Variants in CECR2 observed in about 807,000 individuals in gnomAD.
CECR2 encodes CECR2 histone acetyl-lysine reader.
A neutral mutation model predicts 154.5 loss-of-function variants in CECR2; 30 were observed. The observed-to-expected ratio is 0.19, with a 90% CI of 0.15 to 0.26. The LOEUF is 0.26. CECR2 is among the 10% of genes least tolerant of loss of function. The pLI is 1.00. For missense variants in CECR2, 1,743 were observed against 1,829.3 expected, an observed-to-expected ratio of 0.95 and a Z score of 0.86; for synonymous variants, 725 against 683.7, an observed-to-expected ratio of 1.06 and a Z score of -0.94.
At chr22:17,401,833 C>A (rs1316084263) in intron 1 of CECR2, among the ~76,000 whole-genome samples, 1 of 139,578 alleles carries the variant, frequency 7.2e-6, no homozygotes, top group Non-Finnish European at 1.5e-5. Context: ...TTAACACCCC[C>A]CCCCGCCCCC....
intron 2 of CECR2, among the ~76,000 whole-genome samples, chr22:17,489,518 T>C (rs2146840999): frequency 6.6e-6 from 1 of 152,330 alleles, no homozygotes; most frequent in African/African-American, 2.4e-5. Context: ...TGCAGTGCTG[T>C]GATCATAGCC....
chr22:17,521,062 G>A (rs894276640), intron 8 of CECR2, among the ~76,000 whole-genome samples: 3 of 152,156 alleles, frequency 2.0e-5, no homozygotes, highest in Non-Finnish European at 4.4e-5. Context: ...CACCAACAGC[G>A]TAAAAGCGTT....
intron 2 of CECR2, among the ~76,000 whole-genome samples, chr22:17,495,861 C>CAAAAA (rs10558473): frequency 5.5e-4 from 37 of 67,206 alleles, no homozygotes; most frequent in Non-Finnish European, 7.9e-4. Context: ...GACTCTGTCT[C>CAAAAA]AAAAAAAAAA....
upstream of CECR2, among the ~76,000 whole-genome samples, chr22:17,367,084 A>AG (rs2063006005): frequency 6.6e-6 from 1 of 152,158 alleles, no homozygotes; most frequent in Admixed American, 6.5e-5. Flanking sequence ...GAGCAGCACC[A>AG]GGGGGCGCGT....
chr22:17,398,202 G>T (rs956305784), intron 1 of CECR2, among the ~76,000 whole-genome samples: 1 of 148,104 alleles, frequency 6.8e-6, no homozygotes, highest in Non-Finnish European at 1.5e-5. Context: ...GTATAACAAA[G>T]TGGGGGGGGG....
At position 17,497,516 on chromosome 22, in the gene CECR2, C is replaced by T; in HGVS notation, c.335C>T (p.Thr112Ile). ...AGTTTCCAGGACCTGCCTCTTCGCA[C>T]ACGGGTGGAGATCCTGCACCGACTC... is the stretch of plus-strand genomic sequence containing the variant. ...EASFQDLPLR[T>I]RVEILHRLCD... is the part of the protein sequence containing the mutation. Residue 112 changes from threonine to isoleucine, a missense_variant, in exon 3 of 19, where the codon ACA (threonine) becomes ATA (isoleucine). Thr to Ile is a moderately conservative substitution (Grantham distance 89). Coordinates refer to ENST00000262608, the MANE Select transcript of CECR2 (RefSeq NM_001290047.2). 6.2e-7 allele frequency: 1 copy of T among 1,613,976 alleles called. No individual in the cohort carries two copies. Among genetic ancestry groups the T allele is most frequent in the East Asian group, 2.2e-5 (1 of 44,878 alleles).
intron 1 of CECR2, among the ~76,000 whole-genome samples, chr22:17,448,210 T>C (rs2054708265): frequency 6.6e-6 from 1 of 152,208 alleles, no homozygotes. Context: ...GGATGTGAGA[T>C]GTGTGTACTA....
In CECR2 at chr22:17,558,016, AAT is replaced by A. The variant is rs1192428051; in HGVS notation, c.*5178_*5179del. The A allele has an allele frequency of 6.6e-6, 1 of 152,226 alleles. No individual in the cohort carries two copies. The highest frequency in any genetic ancestry group is 1.5e-5 in the Non-Finnish European group (1 of 68,042). The allele number at this position is 152,226 out of a possible 1,614,324, so 9.4% of individuals were successfully genotyped here. A position where few individuals can be genotyped will look rare whatever the true frequency, so the allele number is the denominator to read the frequency against. ...TTTCACTGAGAGCGACACTTACCTC[AAT>A]AGTTAGTTCAATATTGTGTGTTGGA... On this transcript the variant is annotated 3_prime_UTR_variant, in exon 19 of 19. Transcript: ENST00000262608.
rs917720193 is a variant in CECR2, at chr22:17,517,003, C to T, written c.954+5107C>T. Among the ~76,000 whole-genome samples, 11 of 151,916 alleles carry T rather than the reference C, an allele frequency of 7.2e-5. No individual in the cohort carries two copies. The East Asian group carries it at 7.8e-4, about 11-fold the overall frequency. On this transcript the variant is annotated intron_variant, in intron 8 of 18. Transcript: ENST00000262608. ...TCAGCTCACTGCAACCTCTGCCTCCCGAGTAGCTGGGATTATAGGCGCCTG... is the reference window on the plus strand; with the variant it reads ...TCAGCTCACTGCAACCTCTGCCTCCTGAGTAGCTGGGATTATAGGCGCCTG...
intron 1 of CECR2, among the ~76,000 whole-genome samples, chr22:17,476,401 A>G (rs1356329410): frequency 6.6e-6 from 1 of 151,970 alleles, no homozygotes; most frequent in Non-Finnish European, 1.5e-5. Context: ...AGCTGGGATC[A>G]CAGGTGCGTG....
At chr22:17,431,047 C>T (rs2054414618) in intron 1 of CECR2, among the ~76,000 whole-genome samples, 1 of 152,102 alleles carries the variant, frequency 6.6e-6, no homozygotes, top group Non-Finnish European at 1.5e-5. Context: ...GTGAACCTGA[C>T]AGTGTTGATG....
chr22:17,536,200 G>A (rs2147005574), intron 9 of CECR2, among the ~76,000 whole-genome samples: 1 of 152,182 alleles, frequency 6.6e-6, no homozygotes, highest in Non-Finnish European at 1.5e-5. Context: ...GTGAGCCGAG[G>A]TGGCGCCATT....
At chr22:17,531,077 G>A (rs1407658706) in intron 9 of CECR2, among the ~76,000 whole-genome samples, 4 of 152,116 alleles carry the variant, frequency 2.6e-5, no homozygotes, top group African/African-American at 4.8e-5. Flanking sequence ...AGATGAAGCC[G>A]GCCATGACGA....
intron 1 of CECR2, among the ~76,000 whole-genome samples, chr22:17,370,492 C>G (rs1231202821): frequency 6.6e-6 from 1 of 152,122 alleles, no homozygotes; most frequent in East Asian, 1.9e-4. Context: ...GGCCTGGGCG[C>G]GGGGCTCTGG....
At chr22:17,540,866 C>G (rs553025232) in intron 14 of CECR2, 66 bp downstream of exon 14, 1 of 1,454,142 alleles carries the variant, frequency 6.9e-7, no homozygotes, top group Non-Finnish European at 9.1e-7. Context: ...ATGTAGAGGC[C>G]ATTCAGTTAG....
chr22:17,538,143 A>G (rs115366977), intron 10 of CECR2, among the ~76,000 whole-genome samples: 2,160 of 152,330 alleles, frequency 0.014, 42 homozygotes, highest in African/African-American at 0.049. Flanking sequence ...GCTGGAGCCC[A>G]GGAAATGGAG....
Position 17,447,190 on chromosome 22 carries a change from A to C in CECR2, c.127-30398A>C, listed in dbSNP as rs567464007. ...GCTGGGACTACAGGTGCTGGCCACC[A>C]TGCCCGGCTAATTTTTTGTGTTTTT... On this transcript the variant is annotated intron_variant, in intron 1 of 18. Transcript: ENST00000262608. Among the ~76,000 whole-genome samples the C allele has an allele frequency of 2.4e-3, 363 of 150,628 alleles. 2 individuals carry two copies. Among genetic ancestry groups the C allele is most frequent in the African/African-American group, 8.3e-3 (337 of 40,844 alleles).
intron 2 of CECR2, among the ~76,000 whole-genome samples, chr22:17,486,100 C>T (rs1261789873): frequency 3.9e-5 from 6 of 152,198 alleles, no homozygotes; most frequent in African/African-American, 1.4e-4. Flanking sequence ...TCACCTCAGC[C>T]TCCTAAGTAG....
At chr22:17,545,963 G>A (rs1400665643) in intron 16 of CECR2, among the ~76,000 whole-genome samples, 2 of 151,690 alleles carry the variant, frequency 1.3e-5, no homozygotes, top group Admixed American at 6.6e-5. Flanking sequence ...GAAGTGGAAG[G>A]ATTGCTTGAA....
Sources: allele counts gnomAD v4.1 joint callset (sites outside exome capture counted in the v4.1 genomes callset), GRCh38; gene constraint gnomAD v4.1.1; transcripts MANE v1.5; gene names NCBI Gene and HGNC (gene_info 2026-07-23, HGNC 2026-07-21).